The following THSD4 variants were observed in gnomAD, a reference collection of about 807,000 sequenced individuals.
THSD4 encodes thrombospondin type 1 domain containing 4.
A neutral mutation model predicts 119.0 loss-of-function variants in THSD4; 69 were observed. The observed-to-expected ratio is 0.58, with a 90% CI of 0.48 to 0.71. The LOEUF (loss-of-function observed/expected upper bound fraction) is 0.71. Among genes scored for constraint, THSD4 ranks in the 30% least tolerant of loss-of-function variants. The pLI, the probability that THSD4 is intolerant of heterozygous loss-of-function variation, is 0.00. For synonymous variants in THSD4, 524 were observed against 540.4 expected (o/e 0.97, Z 0.42); for missense variants, 1,393 against 1,391.1 (o/e 1.00, Z -0.02).
At chr15:71,184,087 T>C (rs1394426490) in intron 3 of THSD4, 2 of 151,768 alleles carry the variant, frequency 1.3e-5, no homozygotes, top group Non-Finnish European at 2.9e-5. Flanking sequence ...TGAAGAGTCA[T>C]GTTAGATCTG....
At chr15:71,255,306 T>C (rs1044647305) in intron 5 of THSD4, among the ~76,000 whole-genome samples, 1 of 152,220 alleles carries the variant, frequency 6.6e-6, no homozygotes, top group Non-Finnish European at 1.5e-5. Flanking sequence ...AGCTAGATCA[T>C]ACTTTATCCA....
intron 14 of THSD4, among the ~76,000 whole-genome samples, chr15:71,755,031 T>G (rs2053514154): frequency 6.6e-6 from 1 of 152,232 alleles, no homozygotes; most frequent in Admixed American, 6.5e-5. Flanking sequence ...ACTCCCCATC[T>G]CCAGTGATAA....
At position 71,713,986 on chromosome 15, in the gene THSD4, A is replaced by G. The variant is rs553479271; in HGVS notation, c.1358-14563A>G. Among the ~76,000 whole-genome samples, 16 of 152,270 alleles carry G rather than the reference A, an allele frequency of 1.1e-4. No homozygotes were observed. In the South Asian group the frequency reaches 2.1e-3, roughly 20 times the overall value. The stretch of plus-strand genomic sequence containing the variant: ...CAATGTGGAGTAGAAGGTGAGCCAT[A>G]GAACAAGACAAGCAGATATGGGGTC... On this transcript the variant is annotated intron_variant, in intron 8 of 17. Transcript: ENST00000261862.
intron 6 of THSD4, among the ~76,000 whole-genome samples, chr15:71,282,535 C>T (rs559471592): frequency 1.3e-4 from 20 of 152,226 alleles, no homozygotes; most frequent in Non-Finnish European, 2.4e-4. Context: ...GCCTTGGTTC[C>T]GACATATCCT....
chr15:71,200,922 G>T (rs1258396890), intron 3 of THSD4, among the ~76,000 whole-genome samples: 1 of 152,174 alleles, frequency 6.6e-6, no homozygotes, highest in Non-Finnish European at 1.5e-5. Flanking sequence ...CATGCCCCAA[G>T]CTGGCTTCCC....
chr15:71,370,537 G>A (rs1329697643), intron 6 of THSD4, among the ~76,000 whole-genome samples: 1 of 152,088 alleles, frequency 6.6e-6, no homozygotes, highest in African/African-American at 2.4e-5. Flanking sequence ...ATTTCATTAT[G>A]TACCCAGTAG....
chr15:71,264,520 T>A (rs1032418738), intron 6 of THSD4, among the ~76,000 whole-genome samples: 1 of 152,186 alleles, frequency 6.6e-6, no homozygotes, highest in African/African-American at 2.4e-5. Flanking sequence ...GATTTTGGTT[T>A]TGTATATGTT....
At chr15:71,511,428 A>C (rs1037999153) in intron 7 of THSD4, among the ~76,000 whole-genome samples, 1 of 152,206 alleles carries the variant, frequency 6.6e-6, no homozygotes, top group Non-Finnish European at 1.5e-5. Flanking sequence ...GTTCACTCTG[A>C]ATTGAACACC....
chr15:71,781,147 G>A lies in THSD4; in HGVS notation c.*3773G>A, dbSNP rs1386504157. ...AATATGGTTTACATGGGAAAATATC[G>A]ATGGCTTCCTCACAAAATGTATGGG... On this transcript the variant is annotated 3_prime_UTR_variant, in exon 18 of 18. Coordinates refer to ENST00000261862, the MANE Select transcript of THSD4 (RefSeq NM_024817.3). 3 of 181,396 alleles carry A rather than the reference G, an allele frequency of 1.7e-5. No homozygotes were observed. The highest frequency in any genetic ancestry group is 2.4e-5 in the Non-Finnish European group (2 of 84,384). The allele number at this position is 181,396 out of a possible 1,614,324, so 11.2% of individuals were successfully genotyped here. A position where few individuals can be genotyped will look rare whatever the true frequency, so the allele number is the denominator to read the frequency against.
chr15:71,344,077 C>T (rs1336473248), intron 6 of THSD4, among the ~76,000 whole-genome samples: 33 of 138,298 alleles, frequency 2.4e-4, no homozygotes, highest in East Asian at 8.7e-4. Context: ...CTCGCTCTGT[C>T]GCCCAGGCTG....
At chr15:71,258,541 A>G (rs189079353) in intron 6 of THSD4, among the ~76,000 whole-genome samples, 2 of 152,320 alleles carry the variant, frequency 1.3e-5, no homozygotes, top group East Asian at 3.9e-4. Flanking sequence ...GTATACAGGA[A>G]CTTTTGTACT....
intron 5 of THSD4, 40 bp from the exon 6 acceptor site, chr15:71,256,573 G>C (rs773001641): frequency 1.3e-6 from 2 of 1,560,484 alleles, no homozygotes; most frequent in African/African-American, 2.7e-5. Context: ...GCTATGAAAA[G>C]TATGGACACT....
At chr15:71,166,851 C>G (rs2043299146) in intron 3 of THSD4, among the ~76,000 whole-genome samples, 1 of 152,158 alleles carries the variant, frequency 6.6e-6, no homozygotes, top group South Asian at 2.1e-4. Context: ...CAAAGTGTAT[C>G]ACATCTTGGG....
intron 7 of THSD4, among the ~76,000 whole-genome samples, chr15:71,413,822 A>G (rs1483521915): frequency 1.3e-5 from 2 of 152,230 alleles, no homozygotes; most frequent in African/African-American, 4.8e-5. Context: ...TGGTTTTCAC[A>G]CATCCTCTCT....
chr15:71,289,661 G>T (rs1466706610), intron 6 of THSD4, among the ~76,000 whole-genome samples: 1 of 152,100 alleles, frequency 6.6e-6, no homozygotes, highest in Non-Finnish European at 1.5e-5. Flanking sequence ...ATACCTCTTT[G>T]GCTCAAAAGG....
intron 3 of THSD4, among the ~76,000 whole-genome samples, chr15:71,159,847 T>G (rs1596231825): frequency 6.6e-6 from 1 of 152,262 alleles, no homozygotes; most frequent in East Asian, 1.9e-4. Context: ...TGGGCATCCT[T>G]ACCTTGTTCC....
At chr15:71,659,447 C>A (rs1243863462) in intron 7 of THSD4, among the ~76,000 whole-genome samples, 1 of 152,080 alleles carries the variant, frequency 6.6e-6, no homozygotes, top group African/African-American at 2.4e-5. Context: ...TAAAATAGGG[C>A]CTGCTCTGTT....
intron 3 of THSD4, among the ~76,000 whole-genome samples, chr15:71,191,363 C>T (rs2141440122): frequency 6.6e-6 from 1 of 152,276 alleles, no homozygotes; most frequent in African/African-American, 2.4e-5. Flanking sequence ...TTATGCTGAT[C>T]TCCTAGACCT....
At position 71,416,492 on chromosome 15, in the gene THSD4, T is replaced by C. The variant is rs1422379219; in HGVS notation, c.1152+4669T>C. Among the ~76,000 whole-genome samples the C allele has an allele frequency of 3.7e-5, 4 of 107,816 alleles. 1 individual carries two copies. Among genetic ancestry groups the C allele is most frequent in the African/African-American group, 1.3e-4 (4 of 31,624 alleles). 70.7% of individuals were successfully genotyped at this position (107,816 alleles called of 152,430 possible). On this transcript the variant is annotated intron_variant, in intron 7 of 17. Coordinates refer to ENST00000261862, the MANE Select transcript of THSD4 (RefSeq NM_024817.3). Reference sequence around the variant, plus strand: ...CTTTTACTCTACATCCTCACCATCATTTGTTATTGCCTCACTTTTAGTAAG... The same window carrying C: ...CTTTTACTCTACATCCTCACCATCACTTGTTATTGCCTCACTTTTAGTAAG...
Sources: allele counts gnomAD v4.1 joint callset (sites outside exome capture counted in the v4.1 genomes callset), GRCh38; gene constraint gnomAD v4.1.1; transcripts MANE v1.5; gene names NCBI Gene and HGNC (gene_info 2026-07-23, HGNC 2026-07-21).